The following CDC42EP3 variants were observed in gnomAD, a reference collection of about 807,000 sequenced individuals.
CDC42EP3 encodes CDC42 effector protein (Rho GTPase binding) 3.
CDC42EP3 carries 4 observed loss-of-function variants against 15.5 expected under a neutral mutation model. The ratio of observed to expected loss-of-function variants is 0.26; its 90% CI spans 0.13 to 0.59. The LOEUF is 0.59. Ranked by LOEUF, CDC42EP3 falls within the 20% of genes least tolerant of loss-of-function variation. The probability of loss-of-function intolerance (pLI) is 0.89; values close to 1 mark genes in which losing one functional copy is unlikely to be tolerated. For synonymous variants in CDC42EP3, 145 were observed against 130.3 expected, an observed-to-expected ratio of 1.11 and a Z score of -0.77; for missense variants, 309 against 311.2, an observed-to-expected ratio of 0.99 and a Z score of 0.05.
At chr2:37,655,401 C>G (rs555167103) in intron 1 of CDC42EP3, among the ~76,000 whole-genome samples, 2 of 152,290 alleles carry the variant, frequency 1.3e-5, no homozygotes, top group African/African-American at 2.4e-5. Context: ...TTTATGGGAT[C>G]TAATTTGAAA....
chr2:37,651,784 T>G (rs560282385), intron 1 of CDC42EP3, among the ~76,000 whole-genome samples: 38 of 152,266 alleles, frequency 2.5e-4, no homozygotes, highest in African/African-American at 9.1e-4. Context: ...GGACAGCAAC[T>G]TGTGCAAGGG....
At chr2:37,670,766 G>C (rs185996555) in intron 1 of CDC42EP3, among the ~76,000 whole-genome samples, 21 of 141,812 alleles carry the variant, frequency 1.5e-4, no homozygotes, top group South Asian at 2.4e-4. Flanking sequence ...AGTCGAGAGA[G>C]GGATAGAGTA....
rs1355838446 is a variant in CDC42EP3, at chr2:37,643,790, TTC to T, written c.*2031_*2032del. ...CAAGATTTAGAATAGGCTGGGAAAT[TTC>T]TCTTTGGAACTGTGAACTGTGACGG... On this transcript the variant is annotated 3_prime_UTR_variant, in exon 2 of 2. Transcript: ENST00000295324. 2.0e-5 allele frequency: 3 copies of T among 152,276 alleles called. No homozygotes were observed. The highest frequency in any genetic ancestry group is 4.8e-5 in the African/African-American group (2 of 41,556). 9.4% of individuals were successfully genotyped at this position (152,276 alleles called of 1,614,324 possible). A position where few individuals can be genotyped will look rare whatever the true frequency, so the allele number is the denominator to read the frequency against.
rs1413384231 is a variant in CDC42EP3, at chr2:37,644,113, C to T, written c.*1710G>A. 1 of 151,950 alleles carries T rather than the reference C, an allele frequency of 6.6e-6. No homozygotes were observed. Among genetic ancestry groups the T allele is most frequent in the Non-Finnish European group, 1.5e-5 (1 of 67,988 alleles). 9.4% of individuals were successfully genotyped at this position (151,950 alleles called of 1,614,324 possible). On this transcript the variant is annotated 3_prime_UTR_variant, in exon 2 of 2. Coordinates refer to ENST00000295324, the MANE Select transcript of CDC42EP3 (RefSeq NM_006449.5). ...CAGGGAAGCTAAAATATTGGACACC[C>T]CTGCCTAGGGGAACTTGTTTCGTCT...
intron 1 of CDC42EP3, among the ~76,000 whole-genome samples, chr2:37,671,120 C>T (rs1386527358): frequency 6.6e-6 from 1 of 152,222 alleles, no homozygotes; most frequent in Non-Finnish European, 1.5e-5. Flanking sequence ...AAATGCTATA[C>T]GCGCCCAGAA....
In CDC42EP3 at chr2:37,659,747, T is replaced by C. The variant is rs578229724; in HGVS notation, c.-236+11679A>G. Among the ~76,000 whole-genome samples, 15 of 152,284 alleles carry C rather than the reference T, an allele frequency of 9.9e-5. No homozygotes were observed. In the East Asian group the frequency reaches 2.5e-3, roughly 25 times the overall value. Reference sequence around the variant, plus strand: ...AGAACTTGGCTCATTTGGCCTAAAATGTACAAGGAAACCTCAAGAAACTAC... The same window carrying C: ...AGAACTTGGCTCATTTGGCCTAAAACGTACAAGGAAACCTCAAGAAACTAC... On this transcript the variant is annotated intron_variant, in intron 1 of 1. Transcript: ENST00000295324.
At chr2:37,648,465 G>A (rs1300568852) in intron 1 of CDC42EP3, among the ~76,000 whole-genome samples, 2 of 152,228 alleles carry the variant, frequency 1.3e-5, no homozygotes, top group African/African-American at 2.4e-5. Context: ...ACCACCCACT[G>A]GCTCAGTAAC....
chr2:37,659,985 C>T (rs1306991082), intron 1 of CDC42EP3, among the ~76,000 whole-genome samples: 4 of 152,134 alleles, frequency 2.6e-5, no homozygotes, highest in Admixed American at 6.5e-5. Context: ...CCCTGTAAGA[C>T]GCAGAAGCCC....
In CDC42EP3 at chr2:37,645,870, G is replaced by A; in HGVS notation, c.718C>T (p.Pro240Ser). 2 of 1,580,022 alleles carry A rather than the reference G, an allele frequency of 1.3e-6. No individual in the cohort carries two copies. The highest frequency in any genetic ancestry group is 1.7e-6 in the Non-Finnish European group (2 of 1,167,094). The change falls in exon 2 of 2, where the codon CCC becomes TCC. Residue 240 changes from proline (P) to serine (S), a missense_variant. Coordinates refer to ENST00000295324, the MANE Select transcript of CDC42EP3 (RefSeq NM_006449.5). ...TTCAGCACCTCATCCAAAAGTGAGG[G>A]CCCAAGATCAAGCTGCAGGGAGAGG... The part of the protein sequence containing the change: ...SLLSLQLDLG[P>S]SLLDEVLNVM...
intron 1 of CDC42EP3, among the ~76,000 whole-genome samples, chr2:37,661,685 A>T (rs903066507): frequency 2.0e-5 from 3 of 152,186 alleles, no homozygotes; most frequent in African/African-American, 7.2e-5. Flanking sequence ...CAGCACGAGG[A>T]GGTGGCTGAA....
chr2:37,654,596 G>A (rs1404935865), intron 1 of CDC42EP3, among the ~76,000 whole-genome samples: 1 of 152,096 alleles, frequency 6.6e-6, no homozygotes, highest in Admixed American at 6.5e-5. Context: ...AGAGGGGAGG[G>A]CGGTTACCCT....
At chr2:37,652,788 G>C (rs1177542293) in intron 1 of CDC42EP3, among the ~76,000 whole-genome samples, 2 of 151,938 alleles carry the variant, frequency 1.3e-5, no homozygotes, top group East Asian at 3.9e-4. Flanking sequence ...TGCCCAGGCT[G>C]GTCTTGAACT....
In CDC42EP3 at chr2:37,646,116, T is replaced by TA; in HGVS notation, c.471_472insT (p.Ser158Ter). ...TGGACTGTCCCATTCTCCAACAGAC[T>TA]GCTTTTCTCCTGAGCTTTTTCCTCC... On this transcript the variant is annotated frameshift_variant, in exon 2 of 2. Coordinates refer to ENST00000295324, the MANE Select transcript of CDC42EP3 (RefSeq NM_006449.5). LOFTEE classifies it high-confidence loss of function. 1 of 1,614,244 alleles carries TA rather than the reference T, an allele frequency of 6.2e-7. No homozygotes were observed. Among genetic ancestry groups the TA allele is most frequent in the Non-Finnish European group, 8.5e-7 (1 of 1,180,048 alleles).
rs10605373 is a variant in CDC42EP3 at position 37,652,741 on chromosome 2, A to AT, written c.-235-5920dup. 5.8e-3 allele frequency among the ~76,000 whole-genome samples: 857 copies of AT among 147,544 alleles called. 3 individuals are homozygous for AT. Among genetic ancestry groups the AT allele is most frequent in the African/African-American group, 7.2e-3 (292 of 40,546 alleles). ...CACCATTCCCAGCTAATTAAAAACA[A>AT]TTTTTTTTTTTTTTAGAACAAGGGG... On this transcript the variant is annotated intron_variant, in intron 1 of 1. Transcript: ENST00000295324.
chr2:37,672,225 T>G (rs1045094496), upstream of CDC42EP3: 6 of 152,080 alleles, frequency 3.9e-5, no homozygotes, highest in Admixed American at 3.9e-4. Context: ...GTTCTGTCAG[T>G]TTCTAGCTCG....
In CDC42EP3 at chr2:37,646,803, T is replaced by C. The variant is rs531474353; in HGVS notation, c.-216A>G. The C allele has an allele frequency of 4.1e-6, 2 of 491,916 alleles. No individual in the cohort carries two copies. The highest frequency in any genetic ancestry group is 3.9e-5 in the African/African-American group (2 of 50,756). 30.5% of individuals were successfully genotyped at this position (491,916 alleles called of 1,614,324 possible). On this transcript the variant is annotated 5_prime_UTR_variant, in exon 2 of 2. Transcript: ENST00000295324. ...GAGAGCCAGTTACATCATCCAGTCT[T>C]GACCACAACCAGGACAAACCTGCAG...
rs1464916469 is a variant in CDC42EP3, at chr2:37,643,384, T to A, written c.*2439A>T. 1.3e-5 allele frequency: 2 copies of A among 152,202 alleles called. No homozygotes were observed. Among genetic ancestry groups the A allele is most frequent in the African/African-American group, 4.8e-5 (2 of 41,446 alleles). 9.4% of individuals were successfully genotyped at this position (152,202 alleles called of 1,614,324 possible). A position where few individuals can be genotyped will look rare whatever the true frequency, so the allele number is the denominator to read the frequency against. On this transcript the variant is annotated 3_prime_UTR_variant, in exon 2 of 2. Coordinates refer to ENST00000295324, the MANE Select transcript of CDC42EP3 (RefSeq NM_006449.5). ...AAGCCGCATGTAGCTTTGTTTCCTC[T>A]TTCTAATACGGGCATATTTATTGCC...
chr2:37,661,599 A>G (rs570909636), intron 1 of CDC42EP3, among the ~76,000 whole-genome samples: 1 of 152,234 alleles, frequency 6.6e-6, no homozygotes, highest in Non-Finnish European at 1.5e-5. Context: ...TTAATTATAT[A>G]ATCCCATTTG....
intron 1 of CDC42EP3, among the ~76,000 whole-genome samples, chr2:37,670,085 A>C (rs1170227279): frequency 2.0e-5 from 3 of 152,188 alleles, no homozygotes; most frequent in African/African-American, 7.2e-5. Context: ...AAGATGAAAG[A>C]GCTTGTGTAA....
Sources: allele counts gnomAD v4.1 joint callset (sites outside exome capture counted in the v4.1 genomes callset), GRCh38; gene constraint gnomAD v4.1.1; transcripts MANE v1.5; gene names NCBI Gene and HGNC (gene_info 2026-07-23, HGNC 2026-07-21).